CEP290: variants seen among roughly 807,000 people sequenced by gnomAD.
CEP290 encodes the protein centrosomal protein 290, also known as centrosomal protein of 290 kDa.
Under a neutral mutation model 344.9 loss-of-function variants are expected in CEP290, and 317 were observed. The observed-to-expected ratio is 0.92, with a 90% CI of 0.84 to 1.01. The LOEUF (loss-of-function observed/expected upper bound fraction) is 1.01, where lower values mean the gene tolerates loss of function less well. Among genes scored for constraint, CEP290 ranks in the 50% least tolerant of loss-of-function variants. The probability of loss-of-function intolerance (pLI) is 0.00; values close to 1 mark genes in which losing one functional copy is unlikely to be tolerated. For synonymous variants in CEP290, 932 were observed against 895.8 expected, an observed-to-expected ratio of 1.04 and a Z score of -0.72; for missense variants, 2,754 against 2,761.4, an observed-to-expected ratio of 1.00 and a Z score of 0.06.
At chr12:88,141,386 GT>G in intron 1 of CEP290, 52 bp from the exon 2 acceptor site, 2 of 882,260 alleles carry the variant, frequency 2.3e-6, no homozygotes, top group Non-Finnish European at 3.4e-6. Flanking sequence ...AGTATTATTG[GT>G]TTTCTAGCAC....
At chr12:88,061,398 C>T (rs531687780) in intron 46 of CEP290, among the ~76,000 whole-genome samples, 4 of 151,934 alleles carry the variant, frequency 2.6e-5, no homozygotes, top group African/African-American at 9.7e-5. Context: ...ATTTTAATTG[C>T]AACATAATAG....
At chr12:88,123,023 G>A (rs1384869013) in intron 13 of CEP290, among the ~76,000 whole-genome samples, 1 of 152,052 alleles carries the variant, frequency 6.6e-6, no homozygotes, top group Non-Finnish European at 1.5e-5. Context: ...TTACCAGGAT[G>A]TCTACCAAGC....
intron 23 of CEP290, among the ~76,000 whole-genome samples, chr12:88,107,941 T>G (rs1211727216): frequency 6.6e-6 from 1 of 151,672 alleles, no homozygotes. Flanking sequence ...AATACATATG[T>G]TAAGTAGCTT....
chr12:88,083,336 T>A (rs2036331449), intron 36 of CEP290, 106 bp from the exon 37 acceptor site: 1 of 603,822 alleles, frequency 1.7e-6, no homozygotes, highest in South Asian at 4.1e-5. Context: ...ATATCTAATC[T>A]AAAATGTAAT....
chr12:88,080,343 C>A lies in CEP290; in HGVS notation c.5065G>T (p.Asp1689Tyr). ...EVKKVKAEVEDLKYLLDQSQK... is the reference protein window; with the variant it reads ...EVKKVKAEVEYLKYLLDQSQK... ...GACTGGTCCAGAAGATACTTTAAATCCTCTACTTCCGCTTTTACTTTTTTC... is the reference window on the plus strand; with the variant it reads ...GACTGGTCCAGAAGATACTTTAAATACTCTACTTCCGCTTTTACTTTTTTC... The change falls in exon 38 of 54, where the codon GAT becomes TAT. Residue 1689 changes from aspartate to tyrosine, a missense_variant. Physicochemically the swap from Asp to Tyr is radical, Grantham distance 160 (BLOSUM62 -3). Coordinates refer to ENST00000552810, the MANE Select transcript of CEP290 (RefSeq NM_025114.4). 6.2e-7 allele frequency: 1 copy of A among 1,613,628 alleles called. No homozygotes were observed. The highest frequency in any genetic ancestry group is 2.2e-5 in the East Asian group (1 of 44,874).
intron 50 of CEP290, 26 bp downstream of exon 50, chr12:88,055,550 A>C: frequency 6.5e-7 from 1 of 1,538,812 alleles, no homozygotes; most frequent in Non-Finnish European, 8.8e-7. Context: ...TTATTTTATC[A>C]TGTAAAGAAA....
intron 37 of CEP290, among the ~76,000 whole-genome samples, 188 bp from the exon 38 acceptor site, chr12:88,080,583 T>A (rs1446488262): frequency 6.6e-6 from 1 of 151,984 alleles, no homozygotes; most frequent in African/African-American, 2.4e-5. Flanking sequence ...GCGTGCACCA[T>A]CAGGCCCAGC....
chr12:88,049,170 T>C lies in CEP290; in HGVS notation c.*14A>G. The C allele has an allele frequency of 6.7e-7, 1 of 1,486,198 alleles. No homozygotes were observed. The allele number at this position is 1,486,198 out of a possible 1,614,324, so 92.1% of individuals were successfully genotyped here. A position where few individuals can be genotyped will look rare whatever the true frequency, so the allele number is the denominator to read the frequency against. ...TAATAAATAGTTAAATGAAACAAAG[T>C]TTATAGGTGACCTTTAGTAAATGGG... On this transcript the variant is annotated 3_prime_UTR_variant, in exon 54 of 54. Coordinates refer to ENST00000552810, the MANE Select transcript of CEP290 (RefSeq NM_025114.4).
At chr12:88,123,424 G>A (rs1436296902) in intron 13 of CEP290, among the ~76,000 whole-genome samples, 1 of 151,930 alleles carries the variant, frequency 6.6e-6, no homozygotes, top group East Asian at 1.9e-4. Flanking sequence ...CCATTGCTAA[G>A]TCCAATAGTC....
chr12:88,120,249 C>T lies in CEP290; in HGVS notation c.1387G>A (p.Val463Ile), dbSNP rs558414868. The T allele has an allele frequency of 3.4e-5, 50 of 1,466,136 alleles. No homozygotes were observed. The highest frequency in any genetic ancestry group is 1.2e-4 in the South Asian group (9 of 72,464). 90.8% of individuals were successfully genotyped at this position (1,466,136 alleles called of 1,614,324 possible). ...SGVYGLEDAV[V>I]EIKNCKNQIK... ...TGGTTTTTACAATTCTTTATTTCAA[C>T]GACAGCATCTTCTAAACCATATACT... The change falls in exon 15 of 54, where the codon GTT (valine) becomes ATT (isoleucine). Residue 463 changes from valine to isoleucine, a missense_variant. Val to Ile is a conservative substitution (Grantham distance 29). Transcript: ENST00000552810.
rs546731422 is a variant in CEP290 at position 88,068,523 on chromosome 12, G to A, written c.6134C>T (p.Ser2045Leu). 51 of 1,502,964 alleles carry A rather than the reference G, an allele frequency of 3.4e-5. 1 individual carries two copies. The South Asian group carries it at 6.4e-4, about 19-fold the overall frequency. The allele number at this position is 1,502,964 out of a possible 1,614,324, so 93.1% of individuals were successfully genotyped here. ...QFSKDTYSKP[S>L]ISGIESDDHC... ...AAATAATAAAAGATATACACTTACT[G>A]AAGGCTTAGAATATGTATCCTTTGA... is the stretch of plus-strand genomic sequence containing the variant. Residue 2045 changes from serine (S) to leucine (L), a missense_variant and splice_region_variant, in exon 44 of 54, where the codon TCA becomes TTA. Transcript: ENST00000552810.
At chr12:88,077,402 G>A in intron 40 of CEP290, 58 bp from the exon 41 acceptor site, 1 of 1,151,574 alleles carries the variant, frequency 8.7e-7, no homozygotes. Flanking sequence ...AAAATAGACA[G>A]TAAATATTTC....
Position 88,121,116 on chromosome 12 carries a change from C to T in CEP290, c.1240G>A (p.Asp414Asn). ...QTHMKIQSTL[D>N]ILKEKTKEAE... ...TCTTTAGTTTTCTCTTTTAAAATGT[C>T]TAACGTTGACTGAATTTTCATATGA... Residue 414 changes from aspartate to asparagine, a missense_variant, in exon 14 of 54, where the codon GAC (aspartate) becomes AAC (asparagine). Coordinates refer to ENST00000552810, the MANE Select transcript of CEP290 (RefSeq NM_025114.4). 6.2e-7 allele frequency: 1 copy of T among 1,613,382 alleles called. No individual in the cohort carries two copies. Among genetic ancestry groups the T allele is most frequent in the African/African-American group, 1.3e-5 (1 of 75,032 alleles).
intron 25 of CEP290, among the ~76,000 whole-genome samples, chr12:88,106,374 A>C (rs539270044): frequency 2.3e-4 from 35 of 152,332 alleles, no homozygotes; most frequent in Non-Finnish European, 3.5e-4. Flanking sequence ...AAAAATGTAA[A>C]AAATGTGACT....
chr12:88,086,288 CAATAT>C, intron 33 of CEP290, 98 bp downstream of exon 33: 2 of 1,411,064 alleles, frequency 1.4e-6, no homozygotes, highest in Non-Finnish European at 1.9e-6. Context: ...TTTAAATATA[CAATAT>C]AACATCAATT....
chr12:88,072,089 C>T (rs931975881), intron 41 of CEP290, among the ~76,000 whole-genome samples, 163 bp from the exon 42 acceptor site: 1 of 151,974 alleles, frequency 6.6e-6, no homozygotes, highest in Admixed American at 6.6e-5. Context: ...CCTTACGAAA[C>T]GCTTGGAACC....
At chr12:88,125,734 T>C (rs2039689303) in intron 12 of CEP290, among the ~76,000 whole-genome samples, 1 of 152,090 alleles carries the variant, frequency 6.6e-6, no homozygotes, top group South Asian at 2.1e-4. Flanking sequence ...TTATTCAACT[T>C]AGCTTTTTCC....
At position 88,066,475 on chromosome 12, in the gene CEP290, T is replaced by G. The variant is rs1346923876; in HGVS notation, c.6135+2047A>C. Among the ~76,000 whole-genome samples, 22 of 150,872 alleles carry G rather than the reference T, an allele frequency of 1.5e-4. No homozygotes were observed. The East Asian group carries it at 3.9e-3, about 27-fold the overall frequency. ...CAATCACACCCAGCTAATTGTTTCT[T>G]TTTTTTTTTTTTTCTGGTAGAGATG... is the stretch of plus-strand genomic sequence containing the variant. On this transcript the variant is annotated intron_variant, in intron 44 of 53. Transcript: ENST00000552810.
At chr12:88,058,525 CAGG>C (rs1344961037) in intron 49 of CEP290, 3 of 290,790 alleles carry the variant, frequency 1.0e-5, no homozygotes, top group Admixed American at 1.1e-4. Context: ...AAATAGCACC[CAGG>C]AGAAGCTGAG....
Sources: gnomAD v4.1 joint callset for allele counts (sites outside exome capture counted in the v4.1 genomes callset) on GRCh38, gnomAD v4.1.1 for gene constraint, MANE v1.5 for transcripts, NCBI Gene and HGNC (gene_info 2026-07-23, HGNC 2026-07-21) for gene names.